The following PPP2R2C variants were observed in gnomAD, a reference collection of about 807,000 sequenced individuals.
PPP2R2C encodes protein phosphatase 2, regulatory subunit B, gamma.
In PPP2R2C, 10 loss-of-function variants were observed where a neutral mutation model predicts 45.3. The ratio of observed to expected loss-of-function variants is 0.22; its 90% CI spans 0.14 to 0.37. PPP2R2C has a LOEUF of 0.37. Among genes scored for constraint, PPP2R2C ranks in the 10% least tolerant of loss-of-function variants. The pLI, the probability that PPP2R2C is intolerant of heterozygous loss-of-function variation, is 1.00. For synonymous variants in PPP2R2C, 257 were observed against 245.4 expected (o/e 1.05, Z -0.44); for missense variants, 308 against 619.7 (o/e 0.50, Z 5.34).
rs573064048 is a variant in PPP2R2C at position 6,466,533 on chromosome 4, G to A, written c.70+5627C>T. Among the ~76,000 whole-genome samples the A allele has an allele frequency of 1.2e-4, 18 of 151,974 alleles. No individual in the cohort carries two copies. The South Asian group carries it at 3.7e-3, about 32-fold the overall frequency. On this transcript the variant is annotated intron_variant, in intron 1 of 8. Transcript: ENST00000382599. ...ACAGTTTTCATTAAAAACAGACATG[G>A]GCATTAAAAAAAGACTGGAAGGAAA...
intron 2 of PPP2R2C, among the ~76,000 whole-genome samples, chr4:6,514,554 T>C (rs1336246527): frequency 6.6e-6 from 1 of 152,194 alleles, no homozygotes; most frequent in Non-Finnish European, 1.5e-5. Context: ...CCACAGGCTC[T>C]GAACTCAAAA....
intron 1 of PPP2R2C, 175 bp from the exon 2 acceptor site, chr4:6,381,269 TC>T (rs1372334219): frequency 6.5e-7 from 1 of 1,531,004 alleles, no homozygotes; most frequent in South Asian, 1.2e-5. Context: ...CACCAACCTG[TC>T]CCCTCCTGCC....
intron 1 of PPP2R2C, among the ~76,000 whole-genome samples, chr4:6,547,199 G>T (rs1195621990): frequency 6.6e-6 from 1 of 151,768 alleles, no homozygotes; most frequent in Non-Finnish European, 1.5e-5. Flanking sequence ...TTCTTCACTG[G>T]AGATTTTAAA....
intron 5 of PPP2R2C, among the ~76,000 whole-genome samples, chr4:6,361,983 G>A (rs1423492737): frequency 2.0e-5 from 3 of 152,152 alleles, no homozygotes; most frequent in Non-Finnish European, 2.9e-5. Flanking sequence ...TGGTGAGTAG[G>A]AATTATCCCG....
chr4:6,324,100 G>A lies in PPP2R2C; in HGVS notation c.1053-507C>T, dbSNP rs146145346. Among the ~76,000 whole-genome samples the A allele has an allele frequency of 2.6e-5, 4 of 152,240 alleles. No individual in the cohort carries two copies. Among genetic ancestry groups the A allele is most frequent in the African/African-American group, 9.6e-5 (4 of 41,546 alleles). On this transcript the variant is annotated intron_variant, in intron 8 of 8. Transcript: ENST00000382599. The surrounding 1 kb of genome is among the most constrained non-coding windows in gnomAD (Gnocchi z 4.1). ...CAACATGCAGACTTTGGGGCCAGGAGCTAAGATCCTTTTTATCCTCTGCCC... is the reference window on the plus strand; with the variant it reads ...CAACATGCAGACTTTGGGGCCAGGAACTAAGATCCTTTTTATCCTCTGCCC...
intron 2 of PPP2R2C, among the ~76,000 whole-genome samples, chr4:6,478,960 C>T (rs1301748764): frequency 6.6e-6 from 1 of 152,222 alleles, no homozygotes; most frequent in Non-Finnish European, 1.5e-5. Flanking sequence ...ACAAAACCAC[C>T]ACATGCAAGT....
rs1721883995 is a variant in PPP2R2C at position 6,471,562 on chromosome 4, A to G, written c.70+598T>C. The G allele has an allele frequency of 6.6e-6, 1 of 152,098 alleles. No homozygotes were observed. The allele number at this position is 152,098 out of a possible 1,614,324, so 9.4% of individuals were successfully genotyped here. ...AGCTGCTCCTGTCTCAATATAACTC[A>G]CCAGGAATAAAAAGGCCAGCCCCAA... On this transcript the variant is annotated intron_variant, in intron 1 of 8. Transcript: ENST00000382599. This position sits in a 1 kb window ranked among gnomAD's most constrained non-coding sequence, Gnocchi z 5.6.
At chr4:6,361,685 G>A (rs984180406) in intron 5 of PPP2R2C, among the ~76,000 whole-genome samples, 1 of 152,226 alleles carries the variant, frequency 6.6e-6, no homozygotes, top group Non-Finnish European at 1.5e-5. Flanking sequence ...CCCCCTGGGA[G>A]GACTAGGAGG....
At chr4:6,536,101 T>C (rs1229419314) in intron 1 of PPP2R2C, among the ~76,000 whole-genome samples, 1 of 151,960 alleles carries the variant, frequency 6.6e-6, no homozygotes, top group Non-Finnish European at 1.5e-5. Flanking sequence ...CTGTGTAGCC[T>C]GAGGAAGGGA....
chr4:6,411,021 C>T (rs147048293), intron 1 of PPP2R2C, among the ~76,000 whole-genome samples: 59 of 152,154 alleles, frequency 3.9e-4, no homozygotes, highest in African/African-American at 1.4e-3. Flanking sequence ...CAGGCGCATG[C>T]CACCACACCT....
intron 1 of PPP2R2C, chr4:6,535,464 C>T (rs1476462265): frequency 1.1e-5 from 10 of 938,706 alleles, no homozygotes; most frequent in African/African-American, 1.7e-5. Flanking sequence ...ACGCGAGCAC[C>T]GCCACCCACG....
At chr4:6,357,688 G>A (rs563018181) in intron 5 of PPP2R2C, among the ~76,000 whole-genome samples, 2 of 152,156 alleles carry the variant, frequency 1.3e-5, no homozygotes, top group African/African-American at 2.4e-5. Flanking sequence ...GGCCTATCCC[G>A]GTCCCCCATC....
intron 2 of PPP2R2C, among the ~76,000 whole-genome samples, chr4:6,522,326 C>T (rs980435778): frequency 1.2e-4 from 18 of 152,238 alleles, no homozygotes; most frequent in African/African-American, 3.9e-4. Context: ...TAACCCCAGC[C>T]GTGCTGGGAG....
At chr4:6,438,391 A>T (rs1719993022) in intron 1 of PPP2R2C, among the ~76,000 whole-genome samples, 1 of 152,074 alleles carries the variant, frequency 6.6e-6, no homozygotes, top group African/African-American at 2.4e-5. Context: ...AAGAGAATAG[A>T]CTCATTCCCT....
chr4:6,504,676 G>A (rs1160102593), intron 2 of PPP2R2C, among the ~76,000 whole-genome samples: 1 of 152,098 alleles, frequency 6.6e-6, no homozygotes. Flanking sequence ...AAAATTCACT[G>A]GATATACTAA....
intron 1 of PPP2R2C, among the ~76,000 whole-genome samples, chr4:6,535,689 A>G (rs1282360711): frequency 6.6e-6 from 1 of 152,198 alleles, no homozygotes; most frequent in East Asian, 1.9e-4. Flanking sequence ...TTCACCCCGC[A>G]GCAGCTATTT....
intron 2 of PPP2R2C, among the ~76,000 whole-genome samples, chr4:6,513,719 C>G (rs1560596312): frequency 6.6e-6 from 1 of 152,198 alleles, no homozygotes. Flanking sequence ...CTGTGCTCCC[C>G]CATCAGCAGT....
At chr4:6,355,638 T>C (rs1389998224) in intron 5 of PPP2R2C, among the ~76,000 whole-genome samples, 1 of 151,210 alleles carries the variant, frequency 6.6e-6, no homozygotes, top group Non-Finnish European at 1.5e-5. Flanking sequence ...CAAAGGCCAT[T>C]CAAAGGAGCC....
At chr4:6,461,533 AC>A (rs1721319231) in intron 1 of PPP2R2C, among the ~76,000 whole-genome samples, 1 of 152,010 alleles carries the variant, frequency 6.6e-6, no homozygotes, top group Non-Finnish European at 1.5e-5. Flanking sequence ...CCTTCCCCAT[AC>A]CCTCTTCCCC....
Sources: allele counts gnomAD v4.1 joint callset (sites outside exome capture counted in the v4.1 genomes callset), GRCh38; gene constraint gnomAD v4.1.1; non-coding constraint Gnocchi (gnomAD v3.1); transcripts MANE v1.5; gene names NCBI Gene and HGNC (gene_info 2026-07-23, HGNC 2026-07-21).